The following BLMH variants were observed in gnomAD, a reference collection of about 807,000 sequenced individuals.
The protein encoded by BLMH is bleomycin hydrolase.
A neutral mutation model predicts 61.6 loss-of-function variants in BLMH; 32 were observed. That is an observed-to-expected ratio of 0.52 (90% CI 0.39 to 0.70). The LOEUF (loss-of-function observed/expected upper bound fraction) is 0.70, where lower values mean the gene tolerates loss of function less well. Among genes scored for constraint, BLMH ranks in the 30% least tolerant of loss-of-function variants. The pLI, the probability that BLMH is intolerant of heterozygous loss-of-function variation, is 0.00. For synonymous variants in BLMH, 183 were observed against 193.8 expected, an observed-to-expected ratio of 0.94 and a Z score of 0.46; for missense variants, 460 against 555.5, an observed-to-expected ratio of 0.83 and a Z score of 1.73.
At position 30,289,592 on chromosome 17, in the gene BLMH, A is replaced by T. The variant is rs1372510134; in HGVS notation, c.212-110T>A. ...GACACGATCTGGACAATTCAGAAAG[A>T]GTAAATCAGAAAGAGCAGAAAGATT... On this transcript the variant is annotated intron_variant, in intron 2 of 11. Transcript: ENST00000261714. 8.4e-6 allele frequency: 5 copies of T among 593,132 alleles called. No homozygotes were observed. In the East Asian group the frequency reaches 1.6e-4, roughly 19 times the overall value. The allele number at this position is 593,132 out of a possible 1,614,324, so 36.7% of individuals were successfully genotyped here.
At chr17:30,251,373 T>G (rs186269222) in intron 11 of BLMH, among the ~76,000 whole-genome samples, 84 of 152,350 alleles carry the variant, frequency 5.5e-4, no homozygotes, top group Admixed American at 1.4e-3. Flanking sequence ...TCCGTATATT[T>G]AAAACAAGAA....
chr17:30,291,716 G>C, intron 1 of BLMH, 91 bp downstream of exon 1: 2 of 1,413,690 alleles, frequency 1.4e-6, no homozygotes, highest in East Asian at 2.5e-5. Context: ...CATCGCCAAG[G>C]GTCCCAGCCC....
intron 11 of BLMH, among the ~76,000 whole-genome samples, chr17:30,260,388 A>T (rs1907924270): frequency 6.6e-6 from 1 of 152,238 alleles, no homozygotes; most frequent in Admixed American, 6.5e-5. Context: ...CCTGAAGCAG[A>T]TGCCTCATTG....
intron 6 of BLMH, among the ~76,000 whole-genome samples, chr17:30,278,512 T>C (rs1908485374): frequency 6.6e-6 from 1 of 152,130 alleles, no homozygotes; most frequent in Non-Finnish European, 1.5e-5. Context: ...ACTTATCTTC[T>C]GGCATATTAT....
chr17:30,253,865 A>AAACC (rs2143019590), intron 11 of BLMH, among the ~76,000 whole-genome samples: 1 of 152,300 alleles, frequency 6.6e-6, no homozygotes, highest in Non-Finnish European at 1.5e-5. Flanking sequence ...AAAACACCTC[A>AAACC]AACCAACCAA....
At chr17:30,267,029 T>C in intron 10 of BLMH, 75 bp from the exon 11 acceptor site, 3 of 1,412,540 alleles carry the variant, frequency 2.1e-6, no homozygotes, top group Non-Finnish European at 3.0e-6. Flanking sequence ...ATTTTAGCTC[T>C]TCTGTAGCCA....
At position 30,259,276 on chromosome 17, in the gene BLMH, G is replaced by A. The variant is rs547385559; in HGVS notation, c.1216+7609C>T. Among the ~76,000 whole-genome samples the A allele has an allele frequency of 2.0e-4, 31 of 152,280 alleles. 1 individual carries two copies. In the South Asian group the frequency reaches 4.8e-3, roughly 23 times the overall value. Reference sequence around the variant, plus strand: ...GAAGTACTGACATGCTGCTGATGGAGCATAATAGGACAGCTGGGCTTGCAC... The same window carrying A: ...GAAGTACTGACATGCTGCTGATGGAACATAATAGGACAGCTGGGCTTGCAC... On this transcript the variant is annotated intron_variant, in intron 11 of 11. Transcript: ENST00000261714.
chr17:30,251,599 C>T (rs1907669060), intron 11 of BLMH, among the ~76,000 whole-genome samples: 1 of 152,230 alleles, frequency 6.6e-6, no homozygotes, highest in Non-Finnish European at 1.5e-5. Context: ...CCATTTCCCA[C>T]TACACAGGAC....
chr17:30,267,240 A>G (rs1007178351), intron 10 of BLMH, among the ~76,000 whole-genome samples: 1 of 152,210 alleles, frequency 6.6e-6, no homozygotes, highest in Non-Finnish European at 1.5e-5. Flanking sequence ...ATTCTATTGT[A>G]TACATAAAAT....
At chr17:30,287,595 C>T (rs1908767207) in intron 4 of BLMH, among the ~76,000 whole-genome samples, 1 of 152,180 alleles carries the variant, frequency 6.6e-6, no homozygotes, top group South Asian at 2.1e-4. Context: ...TCTTCTCCAA[C>T]CCATCCTTCA....
chr17:30,289,933 G>A (rs1222076363), intron 2 of BLMH, among the ~76,000 whole-genome samples: 4 of 152,036 alleles, frequency 2.6e-5, no homozygotes, highest in Admixed American at 2.6e-4. Flanking sequence ...GAAAAAGATA[G>A]GTAGCTTACA....
intron 6 of BLMH, among the ~76,000 whole-genome samples, 167 bp from the exon 7 acceptor site, chr17:30,274,364 C>G (rs1256938226): frequency 1.3e-5 from 2 of 152,168 alleles, no homozygotes; most frequent in African/African-American, 4.8e-5. Flanking sequence ...AAGCCGATGT[C>G]TGAGATTTGT....
At chr17:30,290,275 T>C (rs187065879) in intron 2 of BLMH, among the ~76,000 whole-genome samples, 2 of 152,342 alleles carry the variant, frequency 1.3e-5, no homozygotes, top group East Asian at 3.9e-4. Flanking sequence ...TTTGGATCTT[T>C]TGTATGTAAA....
At position 30,291,375 on chromosome 17, in the gene BLMH, C is replaced by T. The variant is rs1316358126; in HGVS notation, c.147G>A (p.Ala49=). 6.8e-6 allele frequency: 11 copies of T among 1,613,470 alleles called. No individual in the cohort carries two copies. Among genetic ancestry groups the T allele is most frequent in the Non-Finnish European group, 9.3e-6 (11 of 1,180,016 alleles). Residue 49 remains alanine (A), a synonymous_variant, in exon 2 of 12, where the codon GCG becomes GCA. Coordinates refer to ENST00000261714, the MANE Select transcript of BLMH (RefSeq NM_000386.4). ...ICLKRATVQR[A]QHVFQHAVPQ... ...GCACGGCGTGCTGGAACACATGCTGCGCGCGCTGCACCGTGGCCCGCTTCA... is the reference window on the plus strand; with the variant it reads ...GCACGGCGTGCTGGAACACATGCTGTGCGCGCTGCACCGTGGCCCGCTTCA...
chr17:30,289,566 T>A (rs1908827297), intron 2 of BLMH, 84 bp from the exon 3 acceptor site: 1 of 823,942 alleles, frequency 1.2e-6, no homozygotes, highest in Admixed American at 3.0e-5. Flanking sequence ...AATGAACTCA[T>A]GACACGATCT....
chr17:30,291,289 T>C, intron 2 of BLMH, 22 bp downstream of exon 2: 1 of 1,601,736 alleles, frequency 6.2e-7, no homozygotes, highest in East Asian at 2.2e-5. Flanking sequence ...AAGGAACGTA[T>C]GGGAGAAGTG....
chr17:30,282,376 C>T (rs1048015878), intron 6 of BLMH, among the ~76,000 whole-genome samples: 4 of 152,010 alleles, frequency 2.6e-5, no homozygotes, highest in African/African-American at 9.7e-5. Context: ...ACCACTATGC[C>T]CAGATGTTTT....
chr17:30,272,159 T>C (rs1474262764), intron 9 of BLMH: 1 of 214,824 alleles, frequency 4.7e-6, no homozygotes, highest in African/African-American at 2.3e-5. Context: ...GCATGCAAAT[T>C]AGTCCCACTT....
intron 4 of BLMH, 144 bp from the exon 5 acceptor site, chr17:30,287,046 G>T (rs1054219629): frequency 3.3e-6 from 2 of 605,808 alleles, no homozygotes; most frequent in Non-Finnish European, 5.7e-6. Context: ...AGGGTTTTTT[G>T]TTTTTTGTTT....
Sources: gnomAD v4.1 joint callset for allele counts (sites outside exome capture counted in the v4.1 genomes callset) on GRCh38, gnomAD v4.1.1 for gene constraint, MANE v1.5 for transcripts, NCBI Gene and HGNC (gene_info 2026-07-23, HGNC 2026-07-21) for gene names.